Variants in EXOC4 observed in about 807,000 individuals in gnomAD.
EXOC4 encodes exocyst complex component 4, also known as SEC8-like 1.
In EXOC4, 71 loss-of-function variants were observed where a neutral mutation model predicts 107.2. That is an observed-to-expected ratio of 0.66 (90% CI 0.55 to 0.81). EXOC4 has a LOEUF of 0.81. EXOC4 is among the 30% of genes least tolerant of loss of function. The probability of loss-of-function intolerance (pLI) is 0.00; values close to 1 mark genes in which losing one functional copy is unlikely to be tolerated. For missense variants in EXOC4, 1,108 were observed against 1,189.6 expected, an observed-to-expected ratio of 0.93 and a Z score of 1.01; for synonymous variants, 456 against 441.2, an observed-to-expected ratio of 1.03 and a Z score of -0.42.
At chr7:134,000,038 A>G (rs548103562) in intron 15 of EXOC4, among the ~76,000 whole-genome samples, 1 of 152,322 alleles carries the variant, frequency 6.6e-6, no homozygotes, top group Non-Finnish European at 1.5e-5. Flanking sequence ...TGGATGTAGA[A>G]TTATCTTTCC....
At chr7:133,611,165 T>G (rs1208796119) in intron 9 of EXOC4, among the ~76,000 whole-genome samples, 1 of 152,080 alleles carries the variant, frequency 6.6e-6, no homozygotes, top group Admixed American at 6.6e-5. Context: ...TGTTAGATTG[T>G]TACTCCCCAA....
intron 9 of EXOC4, among the ~76,000 whole-genome samples, chr7:133,525,206 T>C (rs1800056975): frequency 6.6e-6 from 1 of 152,194 alleles, no homozygotes; most frequent in Non-Finnish European, 1.5e-5. Flanking sequence ...ATATTGTGTT[T>C]GCTGAATTAT....
chr7:133,330,769 T>C (rs1185473), intron 5 of EXOC4, among the ~76,000 whole-genome samples: 151,689 of 151,954 alleles, frequency 1, 75,712 homozygotes, highest in Middle Eastern at 1. Flanking sequence ...GGCTCGCCCT[T>C]GGTGGGCTGC....
intron 9 of EXOC4, among the ~76,000 whole-genome samples, chr7:133,620,990 A>G (rs929889517): frequency 3.9e-5 from 6 of 152,196 alleles, no homozygotes; most frequent in African/African-American, 1.2e-4. Flanking sequence ...GTCACTGTGT[A>G]TCCTTTGGTA....
Position 133,386,035 on chromosome 7 carries a change from T to C in EXOC4, c.1182+11033T>C, listed in dbSNP as rs192919987. 5.3e-5 allele frequency among the ~76,000 whole-genome samples: 8 copies of C among 152,222 alleles called. No individual in the cohort carries two copies. In the East Asian group the frequency reaches 1.5e-3, roughly 29 times the overall value. On this transcript the variant is annotated intron_variant, in intron 7 of 17. Coordinates refer to ENST00000253861, the MANE Select transcript of EXOC4 (RefSeq NM_021807.4). ...TTGTGAATATTCAGGATTTCAAGTT[T>C]TTTTTTTTTACATTGACAGATATAA...
At chr7:134,048,448 G>A (rs1795706359) in intron 17 of EXOC4, among the ~76,000 whole-genome samples, 1 of 152,172 alleles carries the variant, frequency 6.6e-6, no homozygotes, top group Admixed American at 6.5e-5. Flanking sequence ...AGGACACCTT[G>A]GAGGTTAGAG....
intron 14 of EXOC4, among the ~76,000 whole-genome samples, chr7:133,947,224 G>A (rs941720934): frequency 1.3e-5 from 2 of 152,166 alleles, no homozygotes; most frequent in African/African-American, 4.8e-5. Flanking sequence ...CTCACTATGG[G>A]GTTTCTGGGC....
At chr7:133,577,092 A>T (rs1465360087) in intron 9 of EXOC4, among the ~76,000 whole-genome samples, 1 of 152,164 alleles carries the variant, frequency 6.6e-6, no homozygotes, top group Non-Finnish European at 1.5e-5. Context: ...GTTATGATAG[A>T]CGCAATCTAA....
chr7:133,620,320 C>G (rs1802299799), intron 9 of EXOC4, among the ~76,000 whole-genome samples: 2 of 152,104 alleles, frequency 1.3e-5, no homozygotes, highest in African/African-American at 4.8e-5. Context: ...AGCCACCGGG[C>G]CCAGCCATTT....
At chr7:133,886,100 A>G (rs1260158438) in intron 11 of EXOC4, among the ~76,000 whole-genome samples, 1 of 152,132 alleles carries the variant, frequency 6.6e-6, no homozygotes, top group Non-Finnish European at 1.5e-5. Context: ...TTCCCAAACC[A>G]TGAAACACTG....
chr7:134,072,619 C>A, the EXOC4 span, among the ~76,000 whole-genome samples: 12 of 152,036 alleles, frequency 7.9e-5, no homozygotes, highest in African/African-American at 2.9e-4. Context: ...TGCTAAGGTG[C>A]CAGATTTGGG....
intron 6 of EXOC4, among the ~76,000 whole-genome samples, chr7:133,370,051 C>T (rs1411519015): frequency 3.3e-5 from 5 of 152,164 alleles, no homozygotes; most frequent in East Asian, 1.9e-4. Flanking sequence ...CTCGGCCTCC[C>T]GAAGTGCTGG....
At chr7:133,951,324 C>T (rs1800685535) in intron 14 of EXOC4, among the ~76,000 whole-genome samples, 2 of 152,134 alleles carry the variant, frequency 1.3e-5, no homozygotes, top group Admixed American at 6.5e-5. Context: ...CTGATGATGT[C>T]GTCTGTATTA....
In EXOC4 at chr7:133,346,829, A is replaced by C. The variant is rs184409481; in HGVS notation, c.764-9501A>C. On this transcript the variant is annotated intron_variant, in intron 5 of 17. Coordinates refer to ENST00000253861, the MANE Select transcript of EXOC4 (RefSeq NM_021807.4). ...GTAATTTGTGTATCATGCGTAGTAT[A>C]AGGAATGACATCTACCAAGAGTTTC... Among the ~76,000 whole-genome samples the C allele has an allele frequency of 6.3e-4, 96 of 152,334 alleles. 1 individual carries two copies. Among genetic ancestry groups the C allele is most frequent in the Middle Eastern group, 3.4e-3 (1 of 294 alleles).
intron 11 of EXOC4, among the ~76,000 whole-genome samples, chr7:133,871,141 T>C (rs1798741817): frequency 6.6e-6 from 1 of 152,212 alleles, no homozygotes. Context: ...TTATCTATGT[T>C]CTTCAGGGTA....
chr7:133,393,784 A>C (rs781431791), intron 7 of EXOC4, among the ~76,000 whole-genome samples: 10 of 152,236 alleles, frequency 6.6e-5, no homozygotes, highest in Non-Finnish European at 1.5e-4. Context: ...TGTGAGGAAT[A>C]CATTTCTCTT....
intron 6 of EXOC4, among the ~76,000 whole-genome samples, chr7:133,370,806 G>C (rs1041320538): frequency 6.6e-6 from 1 of 152,150 alleles, no homozygotes; most frequent in Admixed American, 6.5e-5. Context: ...ACCTTTCCCT[G>C]TCTTTAGAAT....
intron 7 of EXOC4, among the ~76,000 whole-genome samples, chr7:133,383,585 A>C (rs1584872161): frequency 6.6e-6 from 1 of 152,212 alleles, no homozygotes; most frequent in South Asian, 2.1e-4. Context: ...AAGAGAATCC[A>C]CAAAATTATT....
At chr7:133,281,764 T>C (rs2150533969) in intron 2 of EXOC4, among the ~76,000 whole-genome samples, 1 of 151,508 alleles carries the variant, frequency 6.6e-6, no homozygotes, top group South Asian at 2.1e-4. Flanking sequence ...GGCAATGATA[T>C]GATCTCGGCT....
Sources: gnomAD v4.1 joint callset for allele counts (sites outside exome capture counted in the v4.1 genomes callset) on GRCh38, gnomAD v4.1.1 for gene constraint, MANE v1.5 for transcripts, NCBI Gene and HGNC (gene_info 2026-07-23, HGNC 2026-07-21) for gene names.